The following KCNIP4 variants were observed in gnomAD, a reference collection of about 807,000 sequenced individuals.
The protein encoded by KCNIP4 is potassium voltage-gated channel interacting protein 4, also known as Kv channel-interacting protein 4.
Under a neutral mutation model 34.0 loss-of-function variants are expected in KCNIP4, and 12 were observed. The ratio of observed to expected loss-of-function variants is 0.35; its 90% confidence interval spans 0.23 to 0.57. The LOEUF (loss-of-function observed/expected upper bound fraction) is 0.57, where lower values mean the gene tolerates loss of function less well. Ranked by LOEUF, KCNIP4 falls within the 20% of genes least tolerant of loss-of-function variation. The pLI, the probability that KCNIP4 is intolerant of heterozygous loss-of-function variation, is 0.83. For synonymous variants in KCNIP4, 124 were observed against 102.2 expected (o/e 1.21, Z -1.29); for missense variants, 238 against 311.7 (o/e 0.76, Z 1.78).
At chr4:21,003,055 A>G (rs1024259584) in intron 1 of KCNIP4, among the ~76,000 whole-genome samples, 2 of 152,144 alleles carry the variant, frequency 1.3e-5, no homozygotes, top group African/African-American at 4.8e-5. Flanking sequence ...CAACAACATC[A>G]TGGGAGGGCC....
chr4:21,674,247 C>G (rs891551305), intron 1 of KCNIP4, among the ~76,000 whole-genome samples: 3 of 152,122 alleles, frequency 2.0e-5, no homozygotes, highest in African/African-American at 7.2e-5. Flanking sequence ...TGGAAGATCA[C>G]AGATCAGGCA....
intron 1 of KCNIP4, among the ~76,000 whole-genome samples, chr4:21,821,858 A>C (rs540357863): frequency 6.6e-6 from 1 of 152,246 alleles, no homozygotes; most frequent in East Asian, 1.9e-4. Context: ...GTCACAATGA[A>C]ACAATTTTAC....
At chr4:21,283,423 T>C (rs1328114321) in intron 1 of KCNIP4, among the ~76,000 whole-genome samples, 1 of 152,034 alleles carries the variant, frequency 6.6e-6, no homozygotes, top group African/African-American at 2.4e-5. Flanking sequence ...ACGTTTTCTC[T>C]CTCATGCCAT....
intron 1 of KCNIP4, among the ~76,000 whole-genome samples, chr4:21,446,017 G>GA (rs1386907586): frequency 6.6e-6 from 1 of 152,114 alleles, no homozygotes; most frequent in African/African-American, 2.4e-5. Flanking sequence ...ACAGACACAG[G>GA]AAAAAATGCT....
intron 1 of KCNIP4, among the ~76,000 whole-genome samples, chr4:21,133,050 TC>T (rs1340144263): frequency 5.9e-5 from 9 of 151,928 alleles, no homozygotes; most frequent in African/African-American, 2.2e-4. Flanking sequence ...TGTCAAAAAT[TC>T]AAAAATAATC....
chr4:21,717,141 G>C (rs1187226261), intron 1 of KCNIP4, among the ~76,000 whole-genome samples: 1 of 152,148 alleles, frequency 6.6e-6, no homozygotes, highest in Non-Finnish European at 1.5e-5. Flanking sequence ...GGGGTATCCT[G>C]TGTATTGTAG....
intron 1 of KCNIP4, among the ~76,000 whole-genome samples, chr4:20,934,572 T>C (rs559492849): frequency 1.1e-4 from 16 of 152,248 alleles, no homozygotes; most frequent in Admixed American, 6.5e-5. Flanking sequence ...GAGAGTTTTG[T>C]CATTGATTTG....
Position 20,729,196 on chromosome 4 carries a change from C to CTGTTAGGATTACT in KCNIP4, c.*873_*885dup, listed in dbSNP as rs1553881177. ...AAGAGGACAGATTTGGCCTTTAATGCTGTTAGGATTACTTGTTATTAAGCA... is the reference window on the plus strand; with the variant it reads ...AAGAGGACAGATTTGGCCTTTAATGCTGTTAGGATTACTTGTTAGGATTACTTGTTATTAAGCA... On this transcript the variant is annotated 3_prime_UTR_variant, in exon 9 of 9. Coordinates refer to ENST00000382152, the MANE Select transcript of KCNIP4 (RefSeq NM_025221.6). The CTGTTAGGATTACT allele has an allele frequency of 1.8e-4, 27 of 151,906 alleles. No individual in the cohort carries two copies. The East Asian group carries it at 5.2e-3, about 29-fold the overall frequency. 9.4% of individuals were successfully genotyped at this position (151,906 alleles called of 1,614,324 possible). A position where few individuals can be genotyped will look rare whatever the true frequency, so the allele number is the denominator to read the frequency against.
chr4:20,743,110 A>G (rs1751562278), intron 5 of KCNIP4, among the ~76,000 whole-genome samples: 1 of 150,868 alleles, frequency 6.6e-6, no homozygotes. Flanking sequence ...GCTCAATGAA[A>G]TAAAAGAGGA....
At chr4:21,670,304 A>C (rs1373677690) in intron 1 of KCNIP4, among the ~76,000 whole-genome samples, 1 of 151,886 alleles carries the variant, frequency 6.6e-6, no homozygotes, top group Non-Finnish European at 1.5e-5. Flanking sequence ...CATCATTCTC[A>C]GTAAACTATC....
intron 1 of KCNIP4, among the ~76,000 whole-genome samples, chr4:21,021,848 A>AAGTATAGTATAGTATAGTAT: frequency 7.4e-6 from 1 of 134,494 alleles, no homozygotes. Context: ...TAATAATGAA[A>AAGTATAGTATAGTATAGTAT]AGTATAGTAT....
intron 3 of KCNIP4, among the ~76,000 whole-genome samples, chr4:20,848,902 C>T (rs1289030061): frequency 6.6e-5 from 10 of 152,138 alleles, no homozygotes; most frequent in African/African-American, 2.4e-4. Context: ...CTGTGATTCA[C>T]CTCCTCTGAG....
At chr4:21,854,057 T>C (rs1208320536) in intron 1 of KCNIP4, among the ~76,000 whole-genome samples, 1 of 152,194 alleles carries the variant, frequency 6.6e-6, no homozygotes, top group Admixed American at 6.5e-5. Context: ...TTGTCCTCAG[T>C]AACTGTTCAT....
At chr4:21,165,942 T>C (rs982316143) in intron 1 of KCNIP4, among the ~76,000 whole-genome samples, 1 of 152,214 alleles carries the variant, frequency 6.6e-6, no homozygotes, top group African/African-American at 2.4e-5. Context: ...ACCTCTACTG[T>C]CCCTTCCACC....
At chr4:21,766,247 T>C (rs914185081) in intron 1 of KCNIP4, among the ~76,000 whole-genome samples, 2 of 152,162 alleles carry the variant, frequency 1.3e-5, no homozygotes, top group African/African-American at 4.8e-5. Flanking sequence ...CTATTTTCCA[T>C]AAGAAGGTAG....
At chr4:21,810,926 G>A (rs960619276) in intron 1 of KCNIP4, among the ~76,000 whole-genome samples, 22 of 152,274 alleles carry the variant, frequency 1.4e-4, no homozygotes, top group African/African-American at 5.3e-4. Flanking sequence ...GCAAAATGGG[G>A]AAGGGAAATA....
intron 1 of KCNIP4, among the ~76,000 whole-genome samples, chr4:21,332,264 T>G (rs1267302003): frequency 2.6e-5 from 4 of 151,994 alleles, no homozygotes; most frequent in Non-Finnish European, 5.9e-5. Context: ...TAATATGGTA[T>G]ATTATACGGA....
chr4:21,485,790 T>G (rs1415456464), intron 1 of KCNIP4, among the ~76,000 whole-genome samples: 1 of 152,202 alleles, frequency 6.6e-6, no homozygotes, highest in African/African-American at 2.4e-5. Flanking sequence ...ATCTTCCACC[T>G]TTTTGAAAGC....
At chr4:20,816,616 T>G (rs1716420177) in intron 3 of KCNIP4, among the ~76,000 whole-genome samples, 1 of 152,228 alleles carries the variant, frequency 6.6e-6, no homozygotes, top group African/African-American at 2.4e-5. Flanking sequence ...AAGGAAGAGT[T>G]GAAGACACTT....
Sources: allele counts gnomAD v4.1 joint callset (sites outside exome capture counted in the v4.1 genomes callset), GRCh38; gene constraint gnomAD v4.1.1; transcripts MANE v1.5; gene names NCBI Gene and HGNC (gene_info 2026-07-23, HGNC 2026-07-21).